Variants in MTUS1 observed in about 807,000 individuals in gnomAD.
MTUS1 encodes the protein microtubule associated scaffold protein 1, also known as microtubule-associated tumor suppressor 1.
MTUS1 carries 109 observed loss-of-function variants against 120.8 expected under a neutral mutation model. That is an observed-to-expected ratio of 0.90 (90% CI 0.77 to 1.06). MTUS1 has a LOEUF of 1.06. Among genes scored for constraint, MTUS1 ranks in the 50% least tolerant of loss-of-function variants. MTUS1 has a pLI of 0.00. For synonymous variants in MTUS1, 737 were observed against 550.5 expected (o/e 1.34, Z -4.74); for missense variants, 2,210 against 1,486.3 (o/e 1.49, Z -8.01).
At chr8:17,799,092 C>T (rs945303694) in intron 1 of MTUS1, among the ~76,000 whole-genome samples, 1 of 151,830 alleles carries the variant, frequency 6.6e-6, no homozygotes, top group African/African-American at 2.4e-5. Context: ...TCACAGAGAG[C>T]TGGTGGGAAC....
chr8:17,731,202 G>A (rs1260475405), intron 3 of MTUS1, among the ~76,000 whole-genome samples: 1 of 152,066 alleles, frequency 6.6e-6, no homozygotes, highest in Non-Finnish European at 1.5e-5. Flanking sequence ...TATTTGAATT[G>A]CCAAATTAAA....
At chr8:17,801,411 C>A (rs1429304534), upstream of MTUS1, 1 of 151,792 alleles carries the variant, frequency 6.6e-6, no homozygotes, top group Admixed American at 6.5e-5. Flanking sequence ...GGCCAGCCGC[C>A]GTCCCAGGGG....
At chr8:17,667,451 T>C (rs534950358) in intron 8 of MTUS1, among the ~76,000 whole-genome samples, 3 of 152,198 alleles carry the variant, frequency 2.0e-5, no homozygotes, top group Admixed American at 1.3e-4. Flanking sequence ...AACGGAACAG[T>C]GAATGAATCA....
At chr8:17,674,538 C>T in intron 8 of MTUS1, 1 of 985,752 alleles carries the variant, frequency 1.0e-6, no homozygotes, top group Non-Finnish European at 1.2e-6. Flanking sequence ...AACAGCGTAG[C>T]CTGGAAACTG....
chr8:17,763,474 A>ACTC (rs2131392274), intron 1 of MTUS1, among the ~76,000 whole-genome samples: 1 of 152,076 alleles, frequency 6.6e-6, no homozygotes, highest in South Asian at 2.1e-4. Flanking sequence ...TTTGTATAAC[A>ACTC]CTCCTGGCTT....
intron 3 of MTUS1, among the ~76,000 whole-genome samples, chr8:17,735,025 T>C (rs908976978): frequency 2.6e-5 from 4 of 152,098 alleles, no homozygotes; most frequent in African/African-American, 9.7e-5. Context: ...GATCCTCCTG[T>C]CTCAGGCTCC....
intron 8 of MTUS1, among the ~76,000 whole-genome samples, chr8:17,661,876 C>A (rs1009611828): frequency 8.5e-5 from 13 of 152,186 alleles, no homozygotes; most frequent in African/African-American, 4.8e-5. Flanking sequence ...TGGGGAACAG[C>A]TGGGCTGCAG....
rs183135704 is a variant in MTUS1, at chr8:17,745,747, T to A, written c.2092-1948A>T. On this transcript the variant is annotated intron_variant, in intron 2 of 14. Transcript: ENST00000693296. ...TCTCTGGTTTCCTGACAAAGCTCTTTCCTGGTTTTCCTTCTACCTGTCCGG... is the reference window on the plus strand; with the variant it reads ...TCTCTGGTTTCCTGACAAAGCTCTTACCTGGTTTTCCTTCTACCTGTCCGG... 2.2e-3 allele frequency among the ~76,000 whole-genome samples: 332 copies of A among 152,336 alleles called. 1 individual carries two copies. Among genetic ancestry groups the A allele is most frequent in the African/African-American group, 7.6e-3 (314 of 41,588 alleles).
In MTUS1 at chr8:17,684,429, C is replaced by T. The variant is rs1815303453; in HGVS notation, c.2737G>A (p.Glu913Lys). 6.2e-7 allele frequency: 1 copy of T among 1,614,050 alleles called. No individual in the cohort carries two copies. Among genetic ancestry groups the T allele is most frequent in the Non-Finnish European group, 8.5e-7 (1 of 1,180,034 alleles). ...TGCAGGATAAATCCACTTTGGTTTT[C>T]ACATTTTGTTTTATATTGCGTCAAT... ...LELTQYKTKC[E>K]NQSGFILQLK... Residue 913 changes from glutamate to lysine, a missense_variant, in exon 7 of 15, where the codon GAA becomes AAA. Coordinates refer to ENST00000693296, the MANE Select transcript of MTUS1 (RefSeq NM_001363059.2).
intron 3 of MTUS1, chr8:17,724,056 A>C: frequency 1.7e-6 from 1 of 577,672 alleles, no homozygotes; most frequent in Non-Finnish European, 3.1e-6. Flanking sequence ...CAATTAGGAT[A>C]TGAGAAGTGT....
rs947128759 is a variant in MTUS1, at chr8:17,645,285, T to C, written c.*641A>G. Reference sequence around the variant, plus strand: ...GGACAAGTCAAAGCTCTTCCTGTTATACCCTCTCCCTACCCTGTTACAGGG... The same window carrying C: ...GGACAAGTCAAAGCTCTTCCTGTTACACCCTCTCCCTACCCTGTTACAGGG... On this transcript the variant is annotated 3_prime_UTR_variant, in exon 15 of 15. Coordinates refer to ENST00000693296, the MANE Select transcript of MTUS1 (RefSeq NM_001363059.2). 2.6e-5 allele frequency: 4 copies of C among 152,650 alleles called. No individual in the cohort carries two copies. The highest frequency in any genetic ancestry group is 1.3e-4 in the Admixed American group (2 of 15,288). The allele number at this position is 152,650 out of a possible 1,614,324, so 9.5% of individuals were successfully genotyped here. A position where few individuals can be genotyped will look rare whatever the true frequency, so the allele number is the denominator to read the frequency against.
At chr8:17,786,872 C>A (rs1339887667) in intron 1 of MTUS1, among the ~76,000 whole-genome samples, 2 of 152,212 alleles carry the variant, frequency 1.3e-5, no homozygotes, top group Non-Finnish European at 2.9e-5. Flanking sequence ...CACAGTACAT[C>A]AGTTCTTCGG....
rs142652856 is a variant in MTUS1 at position 17,732,441 on chromosome 8, C to T, written c.2288-8608G>A. 6.0e-3 allele frequency among the ~76,000 whole-genome samples: 911 copies of T among 152,296 alleles called. 10 individuals carry two copies. The highest frequency in any genetic ancestry group is 0.02 in the African/African-American group (814 of 41,566). ...GATGCCCCTACGTTCCTGGCTGTTC[C>T]TTCTTGACTCTGGAGAGTCCAGGGA... is the stretch of plus-strand genomic sequence containing the variant. On this transcript the variant is annotated intron_variant, in intron 3 of 14. Transcript: ENST00000693296.
At chr8:17,742,128 C>A (rs1214674342) in intron 3 of MTUS1, among the ~76,000 whole-genome samples, 1 of 152,038 alleles carries the variant, frequency 6.6e-6, no homozygotes, top group African/African-American at 2.4e-5. Flanking sequence ...TTTTGCTCTG[C>A]TGCCCAGGTT....
intron 1 of MTUS1, among the ~76,000 whole-genome samples, chr8:17,764,526 A>G (rs1405641559): frequency 6.6e-6 from 1 of 152,020 alleles, no homozygotes; most frequent in Non-Finnish European, 1.5e-5. Flanking sequence ...TTTCATCTTT[A>G]TATCTTCCCC....
rs1807798643 is a variant in MTUS1, at chr8:17,654,612, G to A, written c.3163C>T (p.His1055Tyr). The change falls in exon 10 of 15, where the codon CAC becomes TAC. Residue 1055 changes from histidine to tyrosine, a missense_variant. Physicochemically the swap from His to Tyr is moderately conservative, Grantham distance 83. Transcript: ENST00000693296. ...ETSKLEIEAS[H>Y]SEKLELLKKA... The stretch of plus-strand genomic sequence containing the variant: ...TTTAGCAATTCAAGTTTCTCTGAGT[G>A]GCTAGCTTCAATTTCCAACTTAGAG... 1.2e-6 allele frequency: 2 copies of A among 1,614,136 alleles called. No homozygotes were observed. The highest frequency in any genetic ancestry group is 1.7e-6 in the Non-Finnish European group (2 of 1,179,958).
At chr8:17,800,295 T>C (rs1479067883) in intron 1 of MTUS1, among the ~76,000 whole-genome samples, 2 of 152,190 alleles carry the variant, frequency 1.3e-5, no homozygotes, top group African/African-American at 4.8e-5. Flanking sequence ...CACCTGCACC[T>C]GGCAAAACTT....
intron 1 of MTUS1, among the ~76,000 whole-genome samples, chr8:17,758,377 T>C (rs1275466613): frequency 1.3e-5 from 2 of 152,144 alleles, no homozygotes; most frequent in Non-Finnish European, 2.9e-5. Context: ...CAAAAAGCGA[T>C]TTTGAATCCA....
chr8:17,754,068 A>T lies in MTUS1; in HGVS notation c.1740T>A (p.Asn580Lys), dbSNP rs199965621. Residue 580 changes from asparagine (N) to lysine (K), a missense_variant, in exon 2 of 15, where the codon AAT becomes AAA. Physicochemically the swap from Asn to Lys is moderately conservative, Grantham distance 94. Coordinates refer to ENST00000693296, the MANE Select transcript of MTUS1 (RefSeq NM_001363059.2). ...LINKTHKQQF[N>K]KLITSQAVHV... ...GCACAGCCTGGCTAGTAATGAGTTTATTAAACTGCTGCTTATGTGTCTTGT... is the reference window on the plus strand; with the variant it reads ...GCACAGCCTGGCTAGTAATGAGTTTTTTAAACTGCTGCTTATGTGTCTTGT... The T allele has an allele frequency of 3.1e-6, 5 of 1,613,944 alleles. No individual in the cohort carries two copies. Among genetic ancestry groups the T allele is most frequent in the African/African-American group, 2.7e-5 (2 of 74,892 alleles).
Sources: allele counts gnomAD v4.1 joint callset (sites outside exome capture counted in the v4.1 genomes callset), GRCh38; gene constraint gnomAD v4.1.1; transcripts MANE v1.5; gene names NCBI Gene and HGNC (gene_info 2026-07-23, HGNC 2026-07-21).